DMXL1: variants seen among roughly 807,000 people sequenced by gnomAD.
DMXL1 encodes dmX-like protein 1.
In DMXL1, 99 loss-of-function variants were observed where a neutral mutation model predicts 319.2. The observed-to-expected ratio is 0.31, with a 90% CI of 0.26 to 0.37. The LOEUF is 0.37. DMXL1 is among the 10% of genes least tolerant of loss of function. The pLI, the probability that DMXL1 is intolerant of heterozygous loss-of-function variation, is 1.00. For missense variants in DMXL1, 3,745 were observed against 3,595.6 expected, an observed-to-expected ratio of 1.04 and a Z score of -1.06; for synonymous variants, 1,385 against 1,235.2, an observed-to-expected ratio of 1.12 and a Z score of -2.54.
chr5:119,109,129 C>T (rs769162883), intron 4 of DMXL1, among the ~76,000 whole-genome samples: 1 of 152,076 alleles, frequency 6.6e-6, no homozygotes, highest in African/African-American at 2.4e-5. Context: ...AGTTAATTAA[C>T]CAGGTTTAAT....
chr5:119,188,740 C>G (rs1778196731), intron 28 of DMXL1, among the ~76,000 whole-genome samples: 1 of 152,318 alleles, frequency 6.6e-6, no homozygotes, highest in East Asian at 1.9e-4. Context: ...TTTTATTCAT[C>G]TTTCCCTTTT....
chr5:119,204,247 C>A (rs1359818843), intron 33 of DMXL1, among the ~76,000 whole-genome samples: 1 of 152,210 alleles, frequency 6.6e-6, no homozygotes, highest in African/African-American at 2.4e-5. Flanking sequence ...AAGCGATCCT[C>A]CCACCTCAGC....
At position 119,206,885 on chromosome 5, in the gene DMXL1, A is replaced by C; in HGVS notation, c.7915A>C (p.Asn2639His). The C allele has an allele frequency of 6.6e-7, 1 of 1,522,238 alleles. No homozygotes were observed. The highest frequency in any genetic ancestry group is 8.8e-7 in the Non-Finnish European group (1 of 1,136,016). 94.3% of individuals were successfully genotyped at this position (1,522,238 alleles called of 1,614,324 possible). ...TIKNSMMEEP[N>H]INKIEADLGY... is the part of the protein sequence containing the mutation. ...CAAAAATTCTATGATGGAGGAGCCAAACATCAATAAGGTACAAAATATCAT... is the reference window on the plus strand; with the variant it reads ...CAAAAATTCTATGATGGAGGAGCCACACATCAATAAGGTACAAAATATCAT... Residue 2639 changes from asparagine to histidine, a missense_variant, in exon 34 of 44, where the codon AAC (asparagine) becomes CAC (histidine). By Grantham distance (68) the Asn-to-His change is moderately conservative (BLOSUM62 1). This residue lies in a region of DMXL1 where 1,382 missense variants were observed against 1,269.5 expected (regional missense o/e 1.09). Coordinates refer to ENST00000539542, the MANE Select transcript of DMXL1 (RefSeq NM_001290321.3).
intron 42 of DMXL1, among the ~76,000 whole-genome samples, chr5:119,242,408 C>G (rs1417756624): frequency 2.0e-5 from 3 of 152,122 alleles, no homozygotes; most frequent in African/African-American, 7.2e-5. Flanking sequence ...AGACATAAAT[C>G]TAACAAAATA....
chr5:119,116,311 C>T lies in DMXL1; in HGVS notation c.718C>T (p.Arg240Cys), dbSNP rs1223509090. 3 of 1,613,786 alleles carry T rather than the reference C, an allele frequency of 1.9e-6. No homozygotes were observed. Among genetic ancestry groups the T allele is most frequent in the Admixed American group, 3.3e-5 (2 of 59,960 alleles). ...TCGAGCAGTAAATGGATTTTCCTGGCGTAAAACAAGCAAATATATGCCTAG... is the reference window on the plus strand; with the variant it reads ...TCGAGCAGTAAATGGATTTTCCTGGTGTAAAACAAGCAAATATATGCCTAG... ...HPRAVNGFSW[R>C]KTSKYMPRAS... Residue 240 changes from arginine to cysteine, a missense_variant, in exon 7 of 44, where the codon CGT becomes TGT. Coordinates refer to ENST00000539542, the MANE Select transcript of DMXL1 (RefSeq NM_001290321.3).
chr5:119,208,794 A>G (rs1782221395), intron 34 of DMXL1, among the ~76,000 whole-genome samples: 1 of 152,128 alleles, frequency 6.6e-6, no homozygotes, highest in Non-Finnish European at 1.5e-5. Flanking sequence ...CGAAGCCATC[A>G]CCACAACCAG....
chr5:119,174,155 T>G (rs1775315017), intron 25 of DMXL1, among the ~76,000 whole-genome samples: 1 of 152,126 alleles, frequency 6.6e-6, no homozygotes, highest in African/African-American at 2.4e-5. Context: ...ATTCAAATGT[T>G]TGTCTCATCT....
chr5:119,122,300 G>A (rs113090929), intron 9 of DMXL1, among the ~76,000 whole-genome samples: 6 of 147,146 alleles, frequency 4.1e-5, no homozygotes, highest in African/African-American at 1.3e-4. Flanking sequence ...GGGGCGGCTG[G>A]CCGGGCGGGG....
chr5:119,143,131 G>C (rs1445814464), intron 13 of DMXL1, among the ~76,000 whole-genome samples: 1 of 151,946 alleles, frequency 6.6e-6, no homozygotes, highest in East Asian at 1.9e-4. Flanking sequence ...CGGGTACTGG[G>C]CTTAGTACCT....
intron 32 of DMXL1, among the ~76,000 whole-genome samples, chr5:119,201,446 A>T (rs1011413836): frequency 6.6e-6 from 1 of 152,052 alleles, no homozygotes; most frequent in African/African-American, 2.4e-5. Flanking sequence ...TAGCTTTTTG[A>T]TGTGCTGCTG....
At position 119,150,179 on chromosome 5, in the gene DMXL1, T is replaced by C; in HGVS notation, c.4352T>C (p.Leu1451Pro). 1 of 1,613,812 alleles carries C rather than the reference T, an allele frequency of 6.2e-7. No homozygotes were observed. The highest frequency in any genetic ancestry group is 1.1e-5 in the South Asian group (1 of 91,056). ...TATGATGAGCTTTTTCAGACTCAAC[T>C]TCTAATGACTGATACTCATATGTTA... is the stretch of plus-strand genomic sequence containing the variant. ...ESYDELFQTQ[L>P]LMTDTHMLET... is the part of the protein sequence containing the mutation. Residue 1451 changes from leucine (L) to proline (P), a missense_variant, in exon 18 of 44, where the codon CTT becomes CCT. Physicochemically the swap from Leu to Pro is moderately conservative, Grantham distance 98. This residue lies in a region of DMXL1 where 2,096 missense variants were observed against 1,985.4 expected (regional missense o/e 1.06). Transcript: ENST00000539542.
At chr5:119,195,515 G>A (rs1264824909) in intron 30 of DMXL1, among the ~76,000 whole-genome samples, 1 of 152,158 alleles carries the variant, frequency 6.6e-6, no homozygotes, top group South Asian at 2.1e-4. Flanking sequence ...CTTACATGAG[G>A]TACCTAGAAT....
intron 38 of DMXL1, among the ~76,000 whole-genome samples, chr5:119,231,445 A>T (rs553136059): frequency 2.0e-5 from 3 of 152,270 alleles, no homozygotes; most frequent in African/African-American, 7.2e-5. Flanking sequence ...CTTAAAGGAT[A>T]AAAGTTGCAG....
intron 9 of DMXL1, among the ~76,000 whole-genome samples, chr5:119,122,159 A>C (rs1446800422): frequency 1.3e-4 from 10 of 77,756 alleles, no homozygotes; most frequent in South Asian, 5.2e-4. Flanking sequence ...CCTCCCTCCC[A>C]GACGGGGCGG....
chr5:119,127,975 A>G (rs189940699), intron 9 of DMXL1: 3 of 397,698 alleles, frequency 7.5e-6, no homozygotes, highest in African/African-American at 2.1e-5. Context: ...GAAATGAAGT[A>G]TAAACAACCC....
chr5:119,154,856 C>T (rs1221589072), intron 19 of DMXL1: 1 of 152,200 alleles, frequency 6.6e-6, no homozygotes, highest in Non-Finnish European at 1.5e-5. Flanking sequence ...CAGACTGACT[C>T]TTGTTAGGGG....
chr5:119,226,470 T>C (rs1170464883), intron 38 of DMXL1, among the ~76,000 whole-genome samples: 1 of 152,212 alleles, frequency 6.6e-6, no homozygotes, highest in Non-Finnish European at 1.5e-5. Context: ...GCCTAGTACA[T>C]TTTATAATTT....
intron 4 of DMXL1, among the ~76,000 whole-genome samples, chr5:119,109,463 A>G (rs573352029): frequency 3.9e-5 from 6 of 152,160 alleles, no homozygotes; most frequent in Admixed American, 6.5e-5. Context: ...TTTACTCCCA[A>G]CTACCTATAA....
intron 9 of DMXL1, among the ~76,000 whole-genome samples, chr5:119,128,617 G>A (rs1764124418): frequency 6.6e-6 from 1 of 152,194 alleles, no homozygotes; most frequent in African/African-American, 2.4e-5. Flanking sequence ...TGATAGTGAT[G>A]TGTCAGTGTA....
Sources: allele counts gnomAD v4.1 joint callset (sites outside exome capture counted in the v4.1 genomes callset), GRCh38; gene constraint gnomAD v4.1.1; regional missense constraint gnomAD v4.1.1; transcripts MANE v1.5; gene names NCBI Gene and HGNC (gene_info 2026-07-23, HGNC 2026-07-21).